KCNQ5: variants seen among roughly 807,000 people sequenced by gnomAD.
KCNQ5 encodes the protein potassium voltage-gated channel subfamily Q member 5.
Under a neutral mutation model 98.2 loss-of-function variants are expected in KCNQ5, and 30 were observed. That is an observed-to-expected ratio of 0.31 (90% CI 0.23 to 0.41). KCNQ5 has a LOEUF of 0.41. Ranked by LOEUF, KCNQ5 falls within the 10% of genes least tolerant of loss-of-function variation. The pLI is 1.00. For synonymous variants in KCNQ5, 458 were observed against 449.4 expected, an observed-to-expected ratio of 1.02 and a Z score of -0.24; for missense variants, 835 against 1,182.5, an observed-to-expected ratio of 0.71 and a Z score of 4.31.
intron 1 of KCNQ5, among the ~76,000 whole-genome samples, chr6:72,939,607 T>C (rs1317537): frequency 0.55 from 83,540 of 151,978 alleles, 23,298 homozygotes; most frequent in East Asian, 0.66. Context: ...GCCTATTCCA[T>C]ACACCTCAGA....
chr6:73,165,061 G>A (rs565563857), intron 10 of KCNQ5, among the ~76,000 whole-genome samples: 7 of 151,992 alleles, frequency 4.6e-5, no homozygotes, highest in Admixed American at 2.6e-4. Flanking sequence ...TAACTGTACC[G>A]TTGAACTCCT....
At chr6:72,919,640 A>G (rs1780304241) in intron 1 of KCNQ5, among the ~76,000 whole-genome samples, 1 of 152,152 alleles carries the variant, frequency 6.6e-6, no homozygotes, top group Admixed American at 6.5e-5. Flanking sequence ...TAATCTGCTG[A>G]GCTCCCTTTC....
At chr6:72,937,531 ATTTTC>A (rs1165619510) in intron 1 of KCNQ5, among the ~76,000 whole-genome samples, 1 of 152,162 alleles carries the variant, frequency 6.6e-6, no homozygotes, top group Non-Finnish European at 1.5e-5. Flanking sequence ...ATAAAAAGTA[ATTTTC>A]TTTTCTTCTA....
chr6:72,907,753 C>G (rs1198977962), intron 1 of KCNQ5, among the ~76,000 whole-genome samples: 1 of 152,060 alleles, frequency 6.6e-6, no homozygotes, highest in Non-Finnish European at 1.5e-5. Context: ...AGAAGAGATT[C>G]TGACCAATCT....
chr6:73,015,036 T>C (rs545873100), intron 2 of KCNQ5, among the ~76,000 whole-genome samples: 2 of 152,204 alleles, frequency 1.3e-5, no homozygotes, highest in Non-Finnish European at 2.9e-5. Flanking sequence ...ACTTCTGGTA[T>C]TAAATATTGT....
chr6:72,653,602 T>C (rs1377911996), intron 1 of KCNQ5, among the ~76,000 whole-genome samples: 1 of 152,106 alleles, frequency 6.6e-6, no homozygotes, highest in Non-Finnish European at 1.5e-5. Flanking sequence ...ATAACATCTT[T>C]GCAAATATAG....
At position 72,718,445 on chromosome 6, in the gene KCNQ5, CTTTTTTTTTTTT is replaced by C. The variant is rs1032425332; in HGVS notation, c.398+95873_398+95884del. 4.3e-4 allele frequency among the ~76,000 whole-genome samples: 31 copies of C among 71,482 alleles called. No homozygotes were observed. In the South Asian group the frequency reaches 0.011, roughly 25 times the overall value. The allele number at this position is 71,482 out of a possible 152,430, so 46.9% of individuals were successfully genotyped here. On this transcript the variant is annotated intron_variant, in intron 1 of 13. Coordinates refer to ENST00000370398, the MANE Select transcript of KCNQ5 (RefSeq NM_019842.4). ...GGTCTTGAGATTCTTCCTTTCTGCT[CTTTTTTTTTTTT>C]TTTTTTTTTTTTTTGACAGAGTCTC...
intron 1 of KCNQ5, among the ~76,000 whole-genome samples, chr6:72,779,737 CAGGCTCA>C (rs1431840645): frequency 6.6e-6 from 1 of 152,024 alleles, no homozygotes; most frequent in Non-Finnish European, 1.5e-5. Context: ...TTGGACCTCC[CAGGCTCA>C]AGGGATACTA....
intron 1 of KCNQ5, among the ~76,000 whole-genome samples, chr6:72,695,464 A>G (rs1268137149): frequency 6.6e-6 from 1 of 152,170 alleles, no homozygotes; most frequent in Non-Finnish European, 1.5e-5. Context: ...TTACAACAAA[A>G]CAAAGCTTAC....
At position 73,194,544 on chromosome 6, in the gene KCNQ5, A is replaced by G. The variant is rs1167860137; in HGVS notation, c.1929A>G (p.Ser643=). Residue 643 remains serine (S), a synonymous_variant, in exon 14 of 14, where the codon TCA becomes TCG. Transcript: ENST00000370398. ...KGSASALALA[S]FQIPPFECEQ... ...CTGCCTCAGCCCTCGCTTTGGCTTC[A>G]TTCCAGATCCCACCTTTTGAATGTG... 6.2e-7 allele frequency: 1 copy of G among 1,614,230 alleles called. No individual in the cohort carries two copies. Among genetic ancestry groups the G allele is most frequent in the Non-Finnish European group, 8.5e-7 (1 of 1,180,034 alleles).
At chr6:73,044,499 T>C (rs1254681476) in intron 3 of KCNQ5, among the ~76,000 whole-genome samples, 1 of 152,230 alleles carries the variant, frequency 6.6e-6, no homozygotes, top group Non-Finnish European at 1.5e-5. Flanking sequence ...ATGTACATGT[T>C]TGACCCATGG....
At position 73,093,997 on chromosome 6, in the gene KCNQ5, T is replaced by C. The variant is rs1435024457; in HGVS notation, c.919-11260T>C. The stretch of plus-strand genomic sequence containing the variant: ...TTGATTATCTGTCCAGTGCTGTCAG[T>C]GGAGTATTGAAGTCTCCCACTATTA... On this transcript the variant is annotated intron_variant, in intron 5 of 13. Coordinates refer to ENST00000370398, the MANE Select transcript of KCNQ5 (RefSeq NM_019842.4). Among the ~76,000 whole-genome samples the C allele has an allele frequency of 2.0e-5, 3 of 152,192 alleles. No homozygotes were observed. The East Asian group carries it at 5.8e-4, about 29-fold the overall frequency.
At chr6:72,865,450 C>T (rs994788177) in intron 1 of KCNQ5, among the ~76,000 whole-genome samples, 2 of 152,140 alleles carry the variant, frequency 1.3e-5, no homozygotes, top group African/African-American at 4.8e-5. Flanking sequence ...TACAGAATAT[C>T]GAACCTATCT....
At chr6:72,656,827 A>G (rs1354006443) in intron 1 of KCNQ5, among the ~76,000 whole-genome samples, 38 of 152,126 alleles carry the variant, frequency 2.5e-4, no homozygotes, top group Non-Finnish European at 5.4e-4. Context: ...TGACCATTGC[A>G]TCTGGGATGC....
At chr6:72,644,806 ATCGTCATTCTC>A (rs1433287932) in intron 1 of KCNQ5, among the ~76,000 whole-genome samples, 15 of 151,992 alleles carry the variant, frequency 9.9e-5, no homozygotes, top group Non-Finnish European at 1.6e-4. Flanking sequence ...CATCACTATC[ATCGTCATTCTC>A]TCAGCAAGCC....
At chr6:72,897,880 G>A (rs530130162) in intron 1 of KCNQ5, among the ~76,000 whole-genome samples, 5 of 152,036 alleles carry the variant, frequency 3.3e-5, no homozygotes, top group Non-Finnish European at 7.4e-5. Flanking sequence ...TCTTATAATT[G>A]ATACTGTGCT....
chr6:72,731,432 T>C (rs1175166511), intron 1 of KCNQ5, among the ~76,000 whole-genome samples: 2 of 152,242 alleles, frequency 1.3e-5, no homozygotes, highest in East Asian at 3.8e-4. Context: ...TAAAGGTTTA[T>C]TTTTCTCTCA....
At chr6:72,771,696 G>A (rs1223512486) in intron 1 of KCNQ5, among the ~76,000 whole-genome samples, 1 of 135,186 alleles carries the variant, frequency 7.4e-6, no homozygotes, top group Non-Finnish European at 1.6e-5. Context: ...ATAACATCAT[G>A]TTCTATACCT....
chr6:72,964,617 TA>T (rs1312947291), intron 1 of KCNQ5, among the ~76,000 whole-genome samples: 1 of 152,212 alleles, frequency 6.6e-6, no homozygotes, highest in African/African-American at 2.4e-5. Flanking sequence ...GCTTTTTAAA[TA>T]AAAAAGTTAT....
Sources: allele counts gnomAD v4.1 joint callset (sites outside exome capture counted in the v4.1 genomes callset), GRCh38; gene constraint gnomAD v4.1.1; transcripts MANE v1.5; gene names NCBI Gene and HGNC (gene_info 2026-07-23, HGNC 2026-07-21).